PTPRD: variants seen among roughly 807,000 people sequenced by gnomAD.
The protein encoded by PTPRD is receptor-type tyrosine-protein phosphatase delta.
Under a neutral mutation model 214.5 loss-of-function variants are expected in PTPRD, and 34 were observed. The ratio of observed to expected loss-of-function variants is 0.16; its 90% CI spans 0.12 to 0.21. The LOEUF (loss-of-function observed/expected upper bound fraction) is 0.21. Among genes scored for constraint, PTPRD ranks in the 10% least tolerant of loss-of-function variants. PTPRD has a pLI of 1.00. For missense variants in PTPRD, 2,545 were observed against 2,398.7 expected (o/e 1.06, Z -1.27); for synonymous variants, 1,128 against 845.7 (o/e 1.33, Z -5.79).
intron 6 of PTPRD, among the ~76,000 whole-genome samples, chr9:9,759,961 C>G (rs1238619663): frequency 6.6e-6 from 1 of 152,146 alleles, no homozygotes; most frequent in East Asian, 1.9e-4. Context: ...TTCTTTCCTT[C>G]TCCTCTAACC....
intron 11 of PTPRD, among the ~76,000 whole-genome samples, chr9:8,883,999 G>A (rs1339734751): frequency 1.3e-5 from 2 of 152,168 alleles, no homozygotes; most frequent in African/African-American, 4.8e-5. Flanking sequence ...GAATTTTCAT[G>A]GGCAAGCTTT....
At chr9:9,960,580 A>G (rs889285167) in intron 4 of PTPRD, among the ~76,000 whole-genome samples, 1 of 152,132 alleles carries the variant, frequency 6.6e-6, no homozygotes, top group African/African-American at 2.4e-5. Flanking sequence ...TGATGGGATG[A>G]GATGAAAATG....
intron 3 of PTPRD, among the ~76,000 whole-genome samples, chr9:10,263,180 C>T (rs1034629646): frequency 2.6e-5 from 4 of 152,042 alleles, no homozygotes; most frequent in Non-Finnish European, 2.9e-5. Context: ...AGCAACAAAC[C>T]AATACAGTAA....
intron 39 of PTPRD, among the ~76,000 whole-genome samples, chr9:8,344,398 A>C (rs905970108): frequency 6.6e-6 from 1 of 152,084 alleles, no homozygotes; most frequent in African/African-American, 2.4e-5. Context: ...GAATCTTGCA[A>C]AATTGGTAGG....
chr9:8,719,089 T>G (rs12115463), intron 12 of PTPRD, among the ~76,000 whole-genome samples: 4 of 152,144 alleles, frequency 2.6e-5, no homozygotes, highest in African/African-American at 7.2e-5. Flanking sequence ...CCTTACAACT[T>G]TCCAAGCAAA....
At chr9:8,367,923 C>A (rs1377316478) in intron 39 of PTPRD, among the ~76,000 whole-genome samples, 1 of 152,174 alleles carries the variant, frequency 6.6e-6, no homozygotes, top group Non-Finnish European at 1.5e-5. Flanking sequence ...CCCCACGTTA[C>A]TGATCAGGAA....
intron 19 of PTPRD, among the ~76,000 whole-genome samples, chr9:8,523,119 GGAGAGTTTAGTCTTCAT>G (rs1564050874): frequency 6.6e-6 from 1 of 152,094 alleles, no homozygotes; most frequent in Non-Finnish European, 1.5e-5. Context: ...GAAAAATGGA[GGAGAGTTTAGTCTTCAT>G]GCTTGGGATT....
intron 8 of PTPRD, among the ~76,000 whole-genome samples, chr9:9,407,467 G>C (rs1422838212): frequency 6.6e-6 from 1 of 151,606 alleles, no homozygotes; most frequent in Non-Finnish European, 1.5e-5. Flanking sequence ...TATCTACATT[G>C]AGTATACCAG....
chr9:9,971,931 A>T (rs2095124133), intron 4 of PTPRD, among the ~76,000 whole-genome samples: 1 of 152,142 alleles, frequency 6.6e-6, no homozygotes, highest in South Asian at 2.1e-4. Context: ...TGCTGGTAAC[A>T]TATTAGAACT....
chr9:9,900,430 T>C (rs542566098), intron 5 of PTPRD, among the ~76,000 whole-genome samples: 39 of 152,302 alleles, frequency 2.6e-4, no homozygotes, highest in African/African-American at 9.4e-4. Context: ...ACAAGTGACC[T>C]TTGTTTCAGT....
intron 2 of PTPRD, among the ~76,000 whole-genome samples, chr9:10,591,198 C>T (rs1242140764): frequency 6.6e-6 from 1 of 151,814 alleles, no homozygotes; most frequent in Admixed American, 6.6e-5. Context: ...GGCAGGGTGG[C>T]ATTTCTTTCT....
intron 12 of PTPRD, chr9:8,713,851 C>T: frequency 1.4e-6 from 2 of 1,402,378 alleles, no homozygotes; most frequent in African/African-American, 1.4e-5. Flanking sequence ...GGTGCAGGGC[C>T]CTCGCCCGGG....
chr9:9,810,533 G>T (rs1382928546), intron 5 of PTPRD, among the ~76,000 whole-genome samples: 1 of 150,816 alleles, frequency 6.6e-6, no homozygotes, highest in African/African-American at 2.4e-5. Context: ...AAACAACAAA[G>T]ACTGGATGAC....
intron 10 of PTPRD, among the ~76,000 whole-genome samples, chr9:9,053,697 A>C (rs1354961724): frequency 6.6e-6 from 1 of 152,118 alleles, no homozygotes; most frequent in African/African-American, 2.4e-5. Context: ...AGCTCTAGGA[A>C]ATTAGTATAT....
In PTPRD at chr9:8,376,724, C is replaced by T. The variant is rs1340821663; in HGVS notation, c.4389G>A (p.Val1463=). 1 of 1,612,820 alleles carries T rather than the reference C, an allele frequency of 6.2e-7. No homozygotes were observed. Among genetic ancestry groups the T allele is most frequent in the Non-Finnish European group, 8.5e-7 (1 of 1,179,168 alleles). Residue 1463 remains valine, a splice_region_variant and synonymous_variant, in exon 38 of 46, where the codon GTG becomes GTA. Coordinates refer to ENST00000381196, the MANE Select transcript of PTPRD (RefSeq NM_002839.4). ...TGCTAGGCCAATACTGGTCACACTT[C>T]ACCTACAAGAAACAAGTGACACATT... is the stretch of plus-strand genomic sequence containing the variant. The part of the protein sequence containing the change: ...MMTKLEERSR[V]KCDQYWPSRG...
intron 3 of PTPRD, among the ~76,000 whole-genome samples, chr9:10,192,721 G>T (rs1329869305): frequency 6.6e-6 from 1 of 152,040 alleles, no homozygotes; most frequent in African/African-American, 2.4e-5. Flanking sequence ...ACACATGCTT[G>T]GAAAGGAATA....
At chr9:10,493,413 G>A (rs2041010400) in intron 2 of PTPRD, among the ~76,000 whole-genome samples, 1 of 151,966 alleles carries the variant, frequency 6.6e-6, no homozygotes, top group African/African-American at 2.4e-5. Context: ...ATAGACCAAT[G>A]GAACAGAACA....
chr9:10,181,799 T>C (rs1024959543), intron 3 of PTPRD, among the ~76,000 whole-genome samples: 12 of 151,202 alleles, frequency 7.9e-5, no homozygotes, highest in African/African-American at 2.7e-4. Context: ...TCATGCCATA[T>C]ATGAAAATTA....
intron 40 of PTPRD, 93 bp downstream of exon 40, chr9:8,341,600 T>G (rs928713763): frequency 5.0e-5 from 71 of 1,413,238 alleles, no homozygotes; most frequent in Non-Finnish European, 5.7e-5. Flanking sequence ...ATCTTGTACT[T>G]CACAAATTTG....
Sources: allele counts gnomAD v4.1 joint callset (sites outside exome capture counted in the v4.1 genomes callset), GRCh38; gene constraint gnomAD v4.1.1; transcripts MANE v1.5; gene names NCBI Gene and HGNC (gene_info 2026-07-23, HGNC 2026-07-21).